Variants in PCGF5 observed in about 807,000 individuals in gnomAD.
The protein encoded by PCGF5 is polycomb group RING finger protein 5.
In PCGF5, 9 loss-of-function variants were observed where a neutral mutation model predicts 44.3. The observed-to-expected ratio is 0.20, with a 90% CI of 0.12 to 0.35. The LOEUF (loss-of-function observed/expected upper bound fraction) is 0.35. Among genes scored for constraint, PCGF5 ranks in the 10% least tolerant of loss-of-function variants. The pLI is 1.00. For synonymous variants in PCGF5, 95 were observed against 102.5 expected, an observed-to-expected ratio of 0.93 and a Z score of 0.44; for missense variants, 146 against 305.3, an observed-to-expected ratio of 0.48 and a Z score of 3.89.
rs566064315 is a variant in PCGF5, at chr10:91,283,352, CTG to C, written c.*5037_*5038del. On this transcript the variant is annotated 3_prime_UTR_variant, in exon 10 of 10. Coordinates refer to ENST00000336126, the MANE Select transcript of PCGF5 (RefSeq NM_032373.5). ...ATGCCCCTTTTTCTATAATTCCAAACTGAGACTGATTTTTCAGAGATTTTTAA... is the reference window on the plus strand; with the variant it reads ...ATGCCCCTTTTTCTATAATTCCAAACAGACTGATTTTTCAGAGATTTTTAA... 2.6e-5 allele frequency: 4 copies of C among 152,156 alleles called. No homozygotes were observed. The highest frequency in any genetic ancestry group is 5.9e-5 in the Non-Finnish European group (4 of 68,032). 9.4% of individuals were successfully genotyped at this position (152,156 alleles called of 1,614,324 possible). A position where few individuals can be genotyped will look rare whatever the true frequency, so the allele number is the denominator to read the frequency against.
chr10:91,223,293 C>G (rs1844730279), intron 2 of PCGF5, among the ~76,000 whole-genome samples: 1 of 152,120 alleles, frequency 6.6e-6, no homozygotes, highest in African/African-American at 2.4e-5. Context: ...AATTTATACT[C>G]AAGGAATTAA....
intron 1 of PCGF5, among the ~76,000 whole-genome samples, chr10:91,212,520 T>G (rs1844470558): frequency 6.6e-6 from 1 of 152,220 alleles, no homozygotes; most frequent in Non-Finnish European, 1.5e-5. Flanking sequence ...TTGGTTTGCT[T>G]TTTTTTCTTG....
At chr10:91,165,594 C>T (rs1843485448) in intron 1 of PCGF5, among the ~76,000 whole-genome samples, 1 of 152,072 alleles carries the variant, frequency 6.6e-6, no homozygotes, top group Non-Finnish European at 1.5e-5. Flanking sequence ...CTCAAGTGAT[C>T]CAATATGAAG....
At chr10:91,230,466 A>C (rs1416744015) in intron 2 of PCGF5, among the ~76,000 whole-genome samples, 2 of 152,144 alleles carry the variant, frequency 1.3e-5, no homozygotes, top group Non-Finnish European at 2.9e-5. Flanking sequence ...ATTATGTCAA[A>C]AATTTAAAGC....
At chr10:91,226,174 T>G (rs1210273094) in intron 2 of PCGF5, among the ~76,000 whole-genome samples, 2 of 151,452 alleles carry the variant, frequency 1.3e-5, no homozygotes, top group African/African-American at 4.8e-5. Context: ...CGTCTTACTA[T>G]TCAAGTTTGA....
intron 1 of PCGF5, among the ~76,000 whole-genome samples, chr10:91,206,741 T>C (rs575370705): frequency 6.6e-6 from 1 of 152,292 alleles, no homozygotes; most frequent in South Asian, 2.1e-4. Flanking sequence ...TCTGTTGCTA[T>C]CTGCACCTAA....
intron 1 of PCGF5, among the ~76,000 whole-genome samples, chr10:91,180,870 C>T (rs546821572): frequency 4.2e-4 from 64 of 152,148 alleles, no homozygotes; most frequent in African/African-American, 1.4e-3. Context: ...AAAATAGTTT[C>T]TTCTAGTTCT....
At chr10:91,234,616 ATAT>A (rs920306807) in intron 2 of PCGF5, among the ~76,000 whole-genome samples, 1 of 152,184 alleles carries the variant, frequency 6.6e-6, no homozygotes, top group Non-Finnish European at 1.5e-5. Flanking sequence ...TCATAGTCTG[ATAT>A]TATTCAGTAT....
At chr10:91,226,789 ACAT>A (rs1844852370) in intron 2 of PCGF5, among the ~76,000 whole-genome samples, 1 of 152,212 alleles carries the variant, frequency 6.6e-6, no homozygotes, top group African/African-American at 2.4e-5. Context: ...GCAAAAAATC[ACAT>A]CATCATATCA....
At chr10:91,207,656 T>C (rs1036665589) in intron 1 of PCGF5, among the ~76,000 whole-genome samples, 2 of 152,336 alleles carry the variant, frequency 1.3e-5, no homozygotes, top group African/African-American at 4.8e-5. Flanking sequence ...CAGTCTAAAA[T>C]CACACACTGT....
chr10:91,215,695 T>G (rs577060235), upstream of PCGF5, among the ~76,000 whole-genome samples: 17 of 152,344 alleles, frequency 1.1e-4, no homozygotes, highest in South Asian at 3.1e-3. Flanking sequence ...GGCCTTCTCA[T>G]TTATCATTCA....
At chr10:91,183,781 ATT>A (rs1843866942) in intron 1 of PCGF5, among the ~76,000 whole-genome samples, 1 of 151,928 alleles carries the variant, frequency 6.6e-6, no homozygotes, top group African/African-American at 2.4e-5. Flanking sequence ...TTCCCTTAGC[ATT>A]TGCTTGTCTG....
chr10:91,240,677 CAGTT>C (rs1321319221), intron 3 of PCGF5, 97 bp downstream of exon 3: 1 of 694,402 alleles, frequency 1.4e-6, no homozygotes, highest in Non-Finnish European at 2.4e-6. Context: ...TGTCTTGACT[CAGTT>C]AATATAGGAC....
chr10:91,279,471 A>T lies in PCGF5; in HGVS notation c.*1155A>T, dbSNP rs560851444. On this transcript the variant is annotated 3_prime_UTR_variant, in exon 10 of 10. Transcript: ENST00000336126. Reference sequence around the variant, plus strand: ...CTGTAGTAATTGGGGAAATGAGAAGATTATTATTTTATACATGAGTTCATT... The same window carrying T: ...CTGTAGTAATTGGGGAAATGAGAAGTTTATTATTTTATACATGAGTTCATT... 2.2e-4 allele frequency: 34 copies of T among 152,294 alleles called. No homozygotes were observed. The highest frequency in any genetic ancestry group is 8.2e-4 in the African/African-American group (34 of 41,586). The allele number at this position is 152,294 out of a possible 1,614,324, so 9.4% of individuals were successfully genotyped here.
At chr10:91,168,932 A>G (rs1269162965) in intron 1 of PCGF5, among the ~76,000 whole-genome samples, 7 of 41,158 alleles carry the variant, frequency 1.7e-4, no homozygotes, top group African/African-American at 5.6e-4. Context: ...CGTCTCAGAA[A>G]AAAAAAAAAA....
At chr10:91,183,397 T>C (rs915652816) in intron 1 of PCGF5, among the ~76,000 whole-genome samples, 7 of 152,086 alleles carry the variant, frequency 4.6e-5, no homozygotes, top group Non-Finnish European at 7.4e-5. Context: ...TTGGCAGAAA[T>C]TGAGATTGCA....
At chr10:91,168,823 G>A (rs1240877839) in intron 1 of PCGF5, among the ~76,000 whole-genome samples, 2 of 151,526 alleles carry the variant, frequency 1.3e-5, no homozygotes, top group Admixed American at 1.3e-4. Flanking sequence ...AGCTACTAGG[G>A]CTGCTGAGGC....
At chr10:91,197,105 A>G (rs1340975033) in intron 1 of PCGF5, among the ~76,000 whole-genome samples, 7 of 152,236 alleles carry the variant, frequency 4.6e-5, no homozygotes, top group Non-Finnish European at 8.8e-5. Flanking sequence ...TGAGTGACAA[A>G]CTACTCCAAA....
At chr10:91,250,659 G>T (rs1845601766) in intron 5 of PCGF5, among the ~76,000 whole-genome samples, 1 of 151,560 alleles carries the variant, frequency 6.6e-6, no homozygotes. Context: ...AAATATAGCT[G>T]CATTATTTAT....
Sources: gnomAD v4.1 joint callset for allele counts (sites outside exome capture counted in the v4.1 genomes callset) on GRCh38, gnomAD v4.1.1 for gene constraint, MANE v1.5 for transcripts, NCBI Gene and HGNC (gene_info 2026-07-23, HGNC 2026-07-21) for gene names.